PTPN12: variants seen among roughly 807,000 people sequenced by gnomAD.
PTPN12 encodes protein tyrosine phosphatase non-receptor type 12.
PTPN12 carries 29 observed loss-of-function variants against 97.6 expected under a neutral mutation model. That is an observed-to-expected ratio of 0.30 (90% CI 0.22 to 0.41). The LOEUF is 0.41. PTPN12 is among the 10% of genes least tolerant of loss of function. PTPN12 has a pLI of 1.00. For missense variants in PTPN12, 819 were observed against 926.0 expected (o/e 0.88, Z 1.50); for synonymous variants, 327 against 300.4 (o/e 1.09, Z -0.91).
chr7:77,556,726 A>G (rs1584103407), intron 1 of PTPN12, among the ~76,000 whole-genome samples: 1 of 152,054 alleles, frequency 6.6e-6, no homozygotes, highest in East Asian at 1.9e-4. Context: ...GCTACTCGGG[A>G]GGCTGAGGCA....
At chr7:77,537,734 C>A in intron 1 of PTPN12, 89 bp downstream of exon 1, 2 of 1,399,814 alleles carry the variant, frequency 1.4e-6, no homozygotes, top group Admixed American at 2.3e-5. Context: ...GCTTTGTGTA[C>A]CTCTGTGAGG....
rs543170761 is a variant in PTPN12, at chr7:77,537,588, C to T, written c.42C>T (p.Val14=). ...VEILRKFIQR[V]QAMKSPDHNG... ...TCCTGAGGAAATTCATCCAGAGGGTCCAGGCCATGAAGAGTCCTGACCACA... is the reference window on the plus strand; with the variant it reads ...TCCTGAGGAAATTCATCCAGAGGGTTCAGGCCATGAAGAGTCCTGACCACA... Residue 14 remains valine, a synonymous_variant, in exon 1 of 18, where the codon GTC becomes GTT. Coordinates refer to ENST00000248594, the MANE Select transcript of PTPN12 (RefSeq NM_002835.4). 23 of 1,604,988 alleles carry T rather than the reference C, an allele frequency of 1.4e-5. No individual in the cohort carries two copies. The highest frequency in any genetic ancestry group is 9.1e-5 in the East Asian group (4 of 43,784).
intron 5 of PTPN12, among the ~76,000 whole-genome samples, chr7:77,589,456 AACTT>A (rs1478413314): frequency 6.6e-6 from 1 of 152,208 alleles, no homozygotes; most frequent in Non-Finnish European, 1.5e-5. Context: ...ATACAAATCA[AACTT>A]ACAAATTACA....
At chr7:77,635,619 T>G (rs1473600034) in intron 14 of PTPN12, among the ~76,000 whole-genome samples, 163 bp from the exon 15 acceptor site, 3 of 152,216 alleles carry the variant, frequency 2.0e-5, no homozygotes, top group Non-Finnish European at 2.9e-5. Context: ...ACTACAATTT[T>G]TTTTTTTTAG....
chr7:77,538,366 G>C (rs1213680278), intron 1 of PTPN12, among the ~76,000 whole-genome samples: 2 of 151,118 alleles, frequency 1.3e-5, no homozygotes, highest in African/African-American at 4.9e-5. Flanking sequence ...TATCCTGAAG[G>C]AAGCCAGCCG....
intron 12 of PTPN12, 102 bp downstream of exon 12, chr7:77,618,667 T>A: frequency 1.3e-6 from 1 of 778,782 alleles, no homozygotes; most frequent in Admixed American, 2.7e-5. Context: ...CTTTTATAAC[T>A]TTTATTATTA....
At chr7:77,591,310 G>A (rs927957095) in intron 5 of PTPN12, among the ~76,000 whole-genome samples, 3 of 152,210 alleles carry the variant, frequency 2.0e-5, no homozygotes, top group African/African-American at 7.2e-5. Flanking sequence ...ATTTAAGCTA[G>A]ATGGTCACTT....
At chr7:77,600,224 T>TG (rs1257740394) in intron 7 of PTPN12, among the ~76,000 whole-genome samples, 2 of 152,204 alleles carry the variant, frequency 1.3e-5, no homozygotes, top group Non-Finnish European at 2.9e-5. Flanking sequence ...CTGATTACAA[T>TG]GAATACTACT....
chr7:77,595,704 T>G (rs535467859), intron 6 of PTPN12, among the ~76,000 whole-genome samples: 1 of 152,316 alleles, frequency 6.6e-6, no homozygotes, highest in South Asian at 2.1e-4. Context: ...TCAAATATTA[T>G]TTGAAAAGTT....
At chr7:77,638,021 G>A (rs1211436611) in intron 16 of PTPN12, among the ~76,000 whole-genome samples, 2 of 123,136 alleles carry the variant, frequency 1.6e-5, no homozygotes, top group African/African-American at 6.2e-5. Context: ...GCAGTGGCGC[G>A]ATCTCGGCTC....
intron 9 of PTPN12, among the ~76,000 whole-genome samples, chr7:77,609,397 G>A (rs1434856205): frequency 2.7e-5 from 4 of 149,342 alleles, no homozygotes; most frequent in African/African-American, 7.4e-5. Context: ...TTAGTCTCCC[G>A]AGTAGCTGGG....
intron 1 of PTPN12, among the ~76,000 whole-genome samples, chr7:77,564,699 G>C (rs974642743): frequency 6.9e-6 from 1 of 145,858 alleles, no homozygotes; most frequent in Non-Finnish European, 1.5e-5. Flanking sequence ...TAAAAGTTGT[G>C]CCTTATGAAA....
intron 12 of PTPN12, among the ~76,000 whole-genome samples, chr7:77,623,527 A>G (rs1300928317): frequency 6.6e-6 from 1 of 152,246 alleles, no homozygotes; most frequent in African/African-American, 2.4e-5. Flanking sequence ...CCTGGCCAAC[A>G]TGGCGAAACC....
intron 12 of PTPN12, among the ~76,000 whole-genome samples, chr7:77,625,086 G>C (rs1325293063): frequency 1.3e-5 from 2 of 152,120 alleles, no homozygotes; most frequent in Non-Finnish European, 2.9e-5. Context: ...AATGAGCCAA[G>C]ATGGTGCCAC....
At chr7:77,608,013 C>T (rs148616146) in intron 9 of PTPN12, among the ~76,000 whole-genome samples, 178 of 152,338 alleles carry the variant, frequency 1.2e-3, no homozygotes, top group African/African-American at 4.1e-3. Flanking sequence ...TCTCGGCCTT[C>T]CAAAGTGCCG....
At chr7:77,634,856 C>T (rs543313660) in intron 14 of PTPN12, among the ~76,000 whole-genome samples, 9 of 151,140 alleles carry the variant, frequency 6.0e-5, no homozygotes, top group South Asian at 2.1e-4. Flanking sequence ...GGATTACAGG[C>T]GGGAGCCACC....
At chr7:77,609,904 AC>A (rs200412308) in intron 9 of PTPN12, among the ~76,000 whole-genome samples, 27 of 149,076 alleles carry the variant, frequency 1.8e-4, no homozygotes, top group African/African-American at 4.4e-4. Context: ...CAAAAAAAAA[AC>A]CCAAAAATCT....
intron 1 of PTPN12, among the ~76,000 whole-genome samples, chr7:77,570,745 T>G (rs1787099183): frequency 6.6e-6 from 1 of 152,254 alleles, no homozygotes; most frequent in South Asian, 2.1e-4. Flanking sequence ...TAAAACTTGG[T>G]TATTGTGACC....
intron 2 of PTPN12, among the ~76,000 whole-genome samples, chr7:77,571,866 T>A (rs899034632): frequency 3.3e-5 from 5 of 152,148 alleles, no homozygotes; most frequent in Non-Finnish European, 7.3e-5. Context: ...TCTGTATTCT[T>A]AAATAGCACA....
Sources: gnomAD v4.1 joint callset for allele counts (sites outside exome capture counted in the v4.1 genomes callset) on GRCh38, gnomAD v4.1.1 for gene constraint, MANE v1.5 for transcripts, NCBI Gene and HGNC (gene_info 2026-07-23, HGNC 2026-07-21) for gene names.